Variants in CEP19 observed in about 807,000 individuals in gnomAD.
CEP19 encodes centrosomal protein 19.
CEP19 carries 14 observed loss-of-function variants against 17.5 expected under a neutral mutation model. The ratio of observed to expected loss-of-function variants is 0.80; its 90% CI spans 0.53 to 1.25. The LOEUF (loss-of-function observed/expected upper bound fraction) is 1.25. Ranked by LOEUF, CEP19 falls within the 50% of genes most tolerant of loss-of-function variation. CEP19 has a pLI of 0.00. For synonymous variants in CEP19, 59 were observed against 65.5 expected, an observed-to-expected ratio of 0.90 and a Z score of 0.48; for missense variants, 193 against 192.0, an observed-to-expected ratio of 1.01 and a Z score of -0.03.
rs192977531 is a variant in CEP19 at position 196,711,020 on chromosome 3, A to G, written c.-71+909T>C. The stretch of plus-strand genomic sequence containing the variant: ...AACTAAAATTTGATGTTAGTAAACT[A>G]CAACCTACGGGGCACATATAAACTC... On this transcript the variant is annotated intron_variant, in intron 1 of 2. Coordinates refer to ENST00000409690, the MANE Select transcript of CEP19 (RefSeq NM_032898.5). Among the ~76,000 whole-genome samples, 35 of 150,184 alleles carry G rather than the reference A, an allele frequency of 2.3e-4. No individual in the cohort carries two copies. In the East Asian group the frequency reaches 6.7e-3, roughly 29 times the overall value.
Position 196,711,952 on chromosome 3 carries a change from A to G in CEP19, c.-94T>C, listed in dbSNP as rs1469837788. On this transcript the variant is annotated 5_prime_UTR_variant, in exon 1 of 3. It removes an upstream start codon present in the reference 5' UTR. Transcript: ENST00000409690. Reference sequence around the variant, plus strand: ...ACCCTTAGAGGAATACAGAAATGACATCGTCTGCAGGCCAACGTCTAAACA... The same window carrying G: ...ACCCTTAGAGGAATACAGAAATGACGTCGTCTGCAGGCCAACGTCTAAACA... The G allele has an allele frequency of 7.8e-5, 56 of 717,358 alleles. No homozygotes were observed. In the East Asian group the frequency reaches 1.4e-3, roughly 18 times the overall value. 44.4% of individuals were successfully genotyped at this position (717,358 alleles called of 1,614,324 possible).
rs201359879 is a variant in CEP19, at chr3:196,708,565, C to G, written c.93G>C (p.Gln31His). 2.0e-5 allele frequency: 33 copies of G among 1,614,162 alleles called. No homozygotes were observed. In the African/African-American group the frequency reaches 3.9e-4, roughly 19 times the overall value. Reference sequence around the variant, plus strand: ...AAAAGTTTCGAACTGGCATAATGCGCTGGCGAATTTTCCCCTTGATTTCAC... The same window carrying G: ...AAAAGTTTCGAACTGGCATAATGCGGTGGCGAATTTTCCCCTTGATTTCAC... ...YESEIKGKIRQRIMPVRNFSK... is the reference protein window; with the variant it reads ...YESEIKGKIRHRIMPVRNFSK... Residue 31 changes from glutamine (Q) to histidine (H), a missense_variant, in exon 2 of 3, where the codon CAG becomes CAC. Gln to His is a conservative substitution (Grantham distance 24). Coordinates refer to ENST00000409690, the MANE Select transcript of CEP19 (RefSeq NM_032898.5).
At position 196,707,772 on chromosome 3, in the gene CEP19, C is replaced by G. The variant is rs139813132; in HGVS notation, c.271G>C (p.Glu91Gln). ...LSGQSLAETM[E>Q]QIQRETTIDP... ...ATGGTTGTTTCCCGTTGAATTTGTTCCATTGTTTCTGCCAGACTCTGCCCC... is the reference window on the plus strand; with the variant it reads ...ATGGTTGTTTCCCGTTGAATTTGTTGCATTGTTTCTGCCAGACTCTGCCCC... The change falls in exon 3 of 3, where the codon GAA becomes CAA. Residue 91 changes from glutamate to glutamine, a missense_variant. By Grantham distance (29) the Glu-to-Gln change is conservative. Transcript: ENST00000409690. The G allele has an allele frequency of 8.1e-4, 1,310 of 1,614,098 alleles. 22 individuals are homozygous for G. The South Asian group carries it at 0.011, about 14-fold the overall frequency.
At position 196,708,735 on chromosome 3, in the gene CEP19, GA is replaced by G. The variant is rs76850793; in HGVS notation, c.-70-9del. 2.1e-6 allele frequency: 3 copies of G among 1,455,638 alleles called. No homozygotes were observed. The highest frequency in any genetic ancestry group is 9.4e-7 in the Non-Finnish European group (1 of 1,058,490). The allele number at this position is 1,455,638 out of a possible 1,614,324, so 90.2% of individuals were successfully genotyped here. On this transcript the variant is annotated splice_polypyrimidine_tract_variant and intron_variant, in intron 1 of 2. Transcript: ENST00000409690. The stretch of plus-strand genomic sequence containing the variant: ...TTGCATAATGACTTCCTGCTAAAGG[GA>G]AAAAACAACTAGGTGTTGGATAAAT...
At position 196,707,913 on chromosome 3, in the gene CEP19, C is replaced by G; in HGVS notation, c.131-1G>C. 6.2e-7 allele frequency: 1 copy of G among 1,607,612 alleles called. No individual in the cohort carries two copies. The highest frequency in any genetic ancestry group is 8.5e-7 in the Non-Finnish European group (1 of 1,179,256). Reference sequence around the variant, plus strand: ...AATTGTTCAGCAGCTCTGGTGCAATCTGGGAGAGAGAAGAAAACTATATAC... The same window carrying G: ...AATTGTTCAGCAGCTCTGGTGCAATGTGGGAGAGAGAAGAAAACTATATAC... On this transcript the variant is annotated splice_acceptor_variant, in intron 2 of 2. Coordinates refer to ENST00000409690, the MANE Select transcript of CEP19 (RefSeq NM_032898.5). LOFTEE classifies it high-confidence loss of function.
chr3:196,709,332 G>C (rs531196350), intron 1 of CEP19, among the ~76,000 whole-genome samples: 3 of 152,182 alleles, frequency 2.0e-5, no homozygotes, highest in African/African-American at 7.2e-5. Flanking sequence ...TATTTTACTA[G>C]AGTTTTTTGT....
chr3:196,707,634 C>G lies in CEP19; in HGVS notation c.409G>C (p.Val137Leu), dbSNP rs761831283. The change falls in exon 3 of 3, where the codon GTT becomes CTT. Residue 137 changes from valine to leucine, a missense_variant. Coordinates refer to ENST00000409690, the MANE Select transcript of CEP19 (RefSeq NM_032898.5). ...NQKKKDDPNF[V>L]YDIEVEFPQD... Reference sequence around the variant, plus strand: ...GGAAATTCAACCTCAATGTCATAAACAAAATTTGGATCATCCTTCTTCTTC... The same window carrying G: ...GGAAATTCAACCTCAATGTCATAAAGAAAATTTGGATCATCCTTCTTCTTC... The G allele has an allele frequency of 6.2e-7, 1 of 1,614,056 alleles. No homozygotes were observed. Among genetic ancestry groups the G allele is most frequent in the South Asian group, 1.1e-5 (1 of 91,084 alleles).
rs75357825 is a variant in CEP19 at position 196,706,785 on chromosome 3, T to A, written c.*766A>T. 1.4e-5 allele frequency: 1 copy of A among 73,628 alleles called. No individual in the cohort carries two copies. The highest frequency in any genetic ancestry group is 3.3e-5 in the Non-Finnish European group (1 of 30,188). 4.6% of individuals were successfully genotyped at this position (73,628 alleles called of 1,614,324 possible). A position where few individuals can be genotyped will look rare whatever the true frequency, so the allele number is the denominator to read the frequency against. Reference sequence around the variant, plus strand: ...GTCCCTTTACTACTTCCCCTCTCCTTCTTTTCAGTTGCTCTTATCAGGAAT... The same window carrying A: ...GTCCCTTTACTACTTCCCCTCTCCTACTTTTCAGTTGCTCTTATCAGGAAT... On this transcript the variant is annotated 3_prime_UTR_variant, in exon 3 of 3. Coordinates refer to ENST00000409690, the MANE Select transcript of CEP19 (RefSeq NM_032898.5).
intron 1 of CEP19, 68 bp from the exon 2 acceptor site, chr3:196,708,795 G>T: frequency 1.2e-6 from 1 of 863,796 alleles, no homozygotes; most frequent in Non-Finnish European, 1.8e-6. Flanking sequence ...TGCCCCAGAA[G>T]ATCTGGTTCT....
chr3:196,708,701 A>G lies in CEP19; in HGVS notation c.-44T>C, dbSNP rs200280343. 81 of 1,599,324 alleles carry G rather than the reference A, an allele frequency of 5.1e-5. No homozygotes were observed. The highest frequency in any genetic ancestry group is 3.3e-4 in the Middle Eastern group (2 of 6,030). Reference sequence around the variant, plus strand: ...GTAAGTCAGAGGAAATCTGATGAATATGTGTAAGTTGCATAATGACTTCCT... The same window carrying G: ...GTAAGTCAGAGGAAATCTGATGAATGTGTGTAAGTTGCATAATGACTTCCT... On this transcript the variant is annotated 5_prime_UTR_variant, in exon 2 of 3. Transcript: ENST00000409690.
chr3:196,707,992 CAG>C lies in CEP19; in HGVS notation c.131-82_131-81del. 3 of 1,459,850 alleles carry C rather than the reference CAG, an allele frequency of 2.1e-6. No homozygotes were observed. The East Asian group carries it at 7.1e-5, about 34-fold the overall frequency. 90.4% of individuals were successfully genotyped at this position (1,459,850 alleles called of 1,614,324 possible). Reference sequence around the variant, plus strand: ...CCATAAACTACTGCAACAGCCAAAACAGAACAAAAACTCTGAACCCTGAAAAT... The same window carrying C: ...CCATAAACTACTGCAACAGCCAAAACAACAAAAACTCTGAACCCTGAAAAT... On this transcript the variant is annotated intron_variant, in intron 2 of 2. Transcript: ENST00000409690.
Position 196,708,716 on chromosome 3 carries a change from A to G in CEP19, c.-59T>C, listed in dbSNP as rs767732368. The G allele has an allele frequency of 1.1e-5, 18 of 1,568,890 alleles. No individual in the cohort carries two copies. The highest frequency in any genetic ancestry group is 1.6e-5 in the Non-Finnish European group (18 of 1,146,460). On this transcript the variant is annotated 5_prime_UTR_variant, in exon 2 of 3. Coordinates refer to ENST00000409690, the MANE Select transcript of CEP19 (RefSeq NM_032898.5). The stretch of plus-strand genomic sequence containing the variant: ...TCTGATGAATATGTGTAAGTTGCAT[A>G]ATGACTTCCTGCTAAAGGGAAAAAA...
In CEP19 at chr3:196,712,035, T is replaced by C. The variant is rs906986549; in HGVS notation, c.-177A>G. 1.4e-6 allele frequency: 1 copy of C among 715,370 alleles called. No homozygotes were observed. Among genetic ancestry groups the C allele is most frequent in the Non-Finnish European group, 2.6e-6 (1 of 383,966 alleles). 44.3% of individuals were successfully genotyped at this position (715,370 alleles called of 1,614,324 possible). A position where few individuals can be genotyped will look rare whatever the true frequency, so the allele number is the denominator to read the frequency against. On this transcript the variant is annotated 5_prime_UTR_variant, in exon 1 of 3. Transcript: ENST00000409690. ...GCACGCAAAGCCCCTAAGCCGACTGTGAGACCGGGCGGAGCCTGGCGCTGC... is the reference window on the plus strand; with the variant it reads ...GCACGCAAAGCCCCTAAGCCGACTGCGAGACCGGGCGGAGCCTGGCGCTGC...
rs77273800 is a variant in CEP19 at position 196,709,442 on chromosome 3, G to A, written c.-70-715C>T. Among the ~76,000 whole-genome samples, 234 of 152,282 alleles carry A rather than the reference G, an allele frequency of 1.5e-3. 1 individual carries two copies. Among genetic ancestry groups the A allele is most frequent in the African/African-American group, 5.2e-3 (215 of 41,554 alleles). The stretch of plus-strand genomic sequence containing the variant: ...ACCACAATATCTCAGCATAATACCT[G>A]GAACGTAGTGGGCATTCCATACATT... On this transcript the variant is annotated intron_variant, in intron 1 of 2. Transcript: ENST00000409690.
Position 196,712,169 on chromosome 3 carries a change from G to GACCGGTCC in CEP19, c.-319_-312dup, listed in dbSNP as rs954089927. 3 of 574,322 alleles carry GACCGGTCC rather than the reference G, an allele frequency of 5.2e-6. No homozygotes were observed. Among genetic ancestry groups the GACCGGTCC allele is most frequent in the Non-Finnish European group, 9.4e-6 (3 of 319,426 alleles). The allele number at this position is 574,322 out of a possible 1,614,324, so 35.6% of individuals were successfully genotyped here. On this transcript the variant is annotated 5_prime_UTR_variant, in exon 1 of 3. Transcript: ENST00000409690. ...AAGCGGAGGTGGGGGCCGGCTGGGG[G>GACCGGTCC]ACCGGTCCACCGGCTCCCACCTCGG...
At chr3:196,709,866 A>G (rs1281396719) in intron 1 of CEP19, among the ~76,000 whole-genome samples, 1 of 152,236 alleles carries the variant, frequency 6.6e-6, no homozygotes. Context: ...GTAAAGTGGC[A>G]TAGGGTGATG....
At position 196,707,029 on chromosome 3, in the gene CEP19, C is replaced by CTTTTTT. The variant is rs71161952; in HGVS notation, c.*516_*521dup. 3.7e-5 allele frequency: 4 copies of CTTTTTT among 107,992 alleles called. No homozygotes were observed. The highest frequency in any genetic ancestry group is 3.7e-5 in the Non-Finnish European group (2 of 54,200). The allele number at this position is 107,992 out of a possible 1,614,324, so 6.7% of individuals were successfully genotyped here. A position where few individuals can be genotyped will look rare whatever the true frequency, so the allele number is the denominator to read the frequency against. ...TGACATCTTCCAGTCAGATTGTAAG[C>CTTTTTT]TTTTTTTTTTTTTTTTTTTTGAGAT... On this transcript the variant is annotated 3_prime_UTR_variant, in exon 3 of 3. Coordinates refer to ENST00000409690, the MANE Select transcript of CEP19 (RefSeq NM_032898.5).
At chr3:196,709,046 G>C (rs868175338) in intron 1 of CEP19, 1 of 188,052 alleles carries the variant, frequency 5.3e-6, no homozygotes, top group African/African-American at 2.4e-5. Flanking sequence ...CCTAAGATCT[G>C]GTTTTTTCAA....
In CEP19 at chr3:196,707,310, C is replaced by T. The variant is rs894293550; in HGVS notation, c.*241G>A. On this transcript the variant is annotated 3_prime_UTR_variant, in exon 3 of 3. Transcript: ENST00000409690. ...CCTCCCAAAGTGCTGGGATTACAGG[C>T]GTGAGCCACCGCACCCGGCATGATT... 6.3e-6 allele frequency: 3 copies of T among 473,396 alleles called. No individual in the cohort carries two copies. Among genetic ancestry groups the T allele is most frequent in the South Asian group, 6.0e-5 (2 of 33,370 alleles). The allele number at this position is 473,396 out of a possible 1,614,324, so 29.3% of individuals were successfully genotyped here. A position where few individuals can be genotyped will look rare whatever the true frequency, so the allele number is the denominator to read the frequency against.
Sources: allele counts gnomAD v4.1 joint callset (sites outside exome capture counted in the v4.1 genomes callset), GRCh38; gene constraint gnomAD v4.1.1; transcripts MANE v1.5; gene names NCBI Gene and HGNC (gene_info 2026-07-23, HGNC 2026-07-21).